CELF2: variants seen among roughly 807,000 people sequenced by gnomAD.
CELF2 encodes the protein CUGBP Elav-like family member 2.
In CELF2, 8 loss-of-function variants were observed where a neutral mutation model predicts 62.6. That is an observed-to-expected ratio of 0.13 (90% CI 0.07 to 0.23). The LOEUF (loss-of-function observed/expected upper bound fraction) is 0.23, where lower values mean the gene tolerates loss of function less well. Among genes scored for constraint, CELF2 ranks in the 10% least tolerant of loss-of-function variants. CELF2 has a pLI of 1.00. For synonymous variants in CELF2, 258 were observed against 250.0 expected, an observed-to-expected ratio of 1.03 and a Z score of -0.30; for missense variants, 333 against 671.0, an observed-to-expected ratio of 0.50 and a Z score of 5.56.
chr10:10,835,750 A>G (rs751839631), intron 1 of CELF2, among the ~76,000 whole-genome samples: 2 of 152,200 alleles, frequency 1.3e-5, no homozygotes, highest in Non-Finnish European at 2.9e-5. Context: ...ATGCCACGGT[A>G]GAAAAAGAGG....
At chr10:10,693,270 T>C in the CELF2 span, among the ~76,000 whole-genome samples, 1 of 134,174 alleles carries the variant, frequency 7.5e-6, no homozygotes. Flanking sequence ...GAGATAATCA[T>C]GTGGTTTTTG....
chr10:11,005,296 G>A, upstream of CELF2: 1 of 1,586,424 alleles, frequency 6.3e-7, no homozygotes, highest in Non-Finnish European at 8.6e-7. This position sits in a 1 kb window ranked among gnomAD's most constrained non-coding sequence, Gnocchi z 4.3. Context: ...GAGAGAGAGG[G>A]AGGAGAGGGC....
At chr10:10,560,479 C>G in the CELF2 span, among the ~76,000 whole-genome samples, 5 of 152,266 alleles carry the variant, frequency 3.3e-5, no homozygotes, top group East Asian at 9.7e-4. Context: ...GTAATATTCT[C>G]AGATCCATCC....
chr10:11,191,465 T>C lies in CELF2; in HGVS notation c.271+25783T>C, dbSNP rs899186286. 2.0e-5 allele frequency among the ~76,000 whole-genome samples: 3 copies of C among 152,146 alleles called. No homozygotes were observed. The highest frequency in any genetic ancestry group is 4.4e-5 in the Non-Finnish European group (3 of 68,006). ...GGTGTTGCAGTGGGGAGGAGACCTC[T>C]GGACCAGGACGTGCTGTGGGGCGTC... On this transcript the variant is annotated intron_variant, in intron 2 of 12. Transcript: ENST00000633077. The surrounding 1 kb of genome is among the most constrained non-coding windows in gnomAD (Gnocchi z 4.1).
the CELF2 span, among the ~76,000 whole-genome samples, chr10:10,548,839 A>G: frequency 6.6e-6 from 1 of 152,216 alleles, no homozygotes; most frequent in Non-Finnish European, 1.5e-5. Context: ...AGCAATACAT[A>G]GCAATGTGTG....
chr10:10,555,928 T>C, the CELF2 span, among the ~76,000 whole-genome samples: 6 of 152,244 alleles, frequency 3.9e-5, no homozygotes, highest in Admixed American at 3.9e-4. Context: ...GTATGCAGTC[T>C]TTTCTCTGGA....
intron 1 of CELF2, among the ~76,000 whole-genome samples, chr10:11,140,597 T>C (rs1304787718): frequency 6.6e-6 from 1 of 152,218 alleles, no homozygotes; most frequent in Non-Finnish European, 1.5e-5. Context: ...AGTTTTGGTA[T>C]ATTGGAAAAA....
chr10:11,058,980 G>A (rs532035155), intron 1 of CELF2, among the ~76,000 whole-genome samples: 9 of 152,132 alleles, frequency 5.9e-5, no homozygotes, highest in East Asian at 1.9e-4. Context: ...GGGGGGTTTC[G>A]CCATCTTGCG....
At chr10:10,774,219 G>A in the CELF2 span, among the ~76,000 whole-genome samples, 1 of 152,194 alleles carries the variant, frequency 6.6e-6, no homozygotes, top group Admixed American at 6.5e-5. Context: ...GAGAGATGGG[G>A]CCCCTGACTT....
At chr10:11,289,802 T>G (rs916366765) in intron 9 of CELF2, among the ~76,000 whole-genome samples, 1 of 152,232 alleles carries the variant, frequency 6.6e-6, no homozygotes, top group Admixed American at 6.5e-5. Flanking sequence ...ATCAACTTAC[T>G]TAAGTAAATC....
the CELF2 span, among the ~76,000 whole-genome samples, chr10:10,644,901 A>G: frequency 2.0e-5 from 3 of 152,156 alleles, no homozygotes; most frequent in Non-Finnish European, 4.4e-5. Context: ...ACTTTTTCAC[A>G]TCATATTGAA....
At chr10:11,190,953 G>C (rs1472890332) in intron 2 of CELF2, among the ~76,000 whole-genome samples, 2 of 152,072 alleles carry the variant, frequency 1.3e-5, no homozygotes, top group African/African-American at 4.8e-5. Flanking sequence ...GGAGATGTGA[G>C]AGTTCTGGAG....
the CELF2 span, among the ~76,000 whole-genome samples, chr10:10,583,004 TAGATA>T: frequency 8.5e-5 from 13 of 152,142 alleles, no homozygotes; most frequent in Non-Finnish European, 4.4e-5. Context: ...ATCTGTGCAG[TAGATA>T]ATGAACAATT....
chr10:11,075,551 A>T lies in CELF2; in HGVS notation c.74+57388A>T, dbSNP rs779282858. On this transcript the variant is annotated intron_variant, in intron 1 of 12. Transcript: ENST00000633077. This position sits in a 1 kb window ranked among gnomAD's most constrained non-coding sequence, Gnocchi z 5.4. The stretch of plus-strand genomic sequence containing the variant: ...ATCTGCAAAGAGCTCTAAGAAACTC[A>T]AAAGAAGGCTGCTGTGTAAATTAAG... Among the ~76,000 whole-genome samples the T allele has an allele frequency of 6.6e-6, 1 of 152,202 alleles. No homozygotes were observed. Among genetic ancestry groups the T allele is most frequent in the East Asian group, 1.9e-4 (1 of 5,190 alleles).
At chr10:11,141,652 G>A (rs1039810425) in intron 1 of CELF2, among the ~76,000 whole-genome samples, 1 of 152,214 alleles carries the variant, frequency 6.6e-6, no homozygotes, top group Non-Finnish European at 1.5e-5. Context: ...GCCCTTCACT[G>A]TTGACTTTGA....
At chr10:11,229,460 T>G (rs572270875) in intron 3 of CELF2, among the ~76,000 whole-genome samples, 1 of 152,256 alleles carries the variant, frequency 6.6e-6, no homozygotes, top group Admixed American at 6.5e-5. Context: ...TTCAGTCCAT[T>G]TGCATATAAA....
chr10:10,832,850 G>A (rs981199627), intron 1 of CELF2, among the ~76,000 whole-genome samples: 2 of 152,030 alleles, frequency 1.3e-5, no homozygotes. Flanking sequence ...TGCAAAATTG[G>A]CCTATCACCA....
At chr10:11,013,178 AC>A (rs2056739708), upstream of CELF2, among the ~76,000 whole-genome samples, 2 of 152,180 alleles carry the variant, frequency 1.3e-5, no homozygotes, top group African/African-American at 4.8e-5. This position sits in a 1 kb window ranked among gnomAD's most constrained non-coding sequence, Gnocchi z 4.1. Flanking sequence ...TTTGGTAGCC[AC>A]CTACTTCCTC....
chr10:11,136,117 A>G (rs2060396506), intron 1 of CELF2, among the ~76,000 whole-genome samples: 1 of 152,242 alleles, frequency 6.6e-6, no homozygotes, highest in Non-Finnish European at 1.5e-5. Context: ...ATGCAATTCA[A>G]CCTTGGATTG....
Sources: gnomAD v4.1 joint callset for allele counts (sites outside exome capture counted in the v4.1 genomes callset) on GRCh38, gnomAD v4.1.1 for gene constraint, Gnocchi (gnomAD v3.1) non-coding constraint, MANE v1.5 for transcripts, NCBI Gene and HGNC (gene_info 2026-07-23, HGNC 2026-07-21) for gene names.